Variants in SLC24A2 observed in about 807,000 individuals in gnomAD.
SLC24A2 encodes sodium/potassium/calcium exchanger 2.
Under a neutral mutation model 62.0 loss-of-function variants are expected in SLC24A2, and 36 were observed. That is an observed-to-expected ratio of 0.58 (90% CI 0.44 to 0.77). The LOEUF (loss-of-function observed/expected upper bound fraction) is 0.77, where lower values mean the gene tolerates loss of function less well. SLC24A2 is among the 30% of genes least tolerant of loss of function. The pLI is 0.00. For missense variants in SLC24A2, 846 were observed against 817.9 expected (o/e 1.03, Z -0.42); for synonymous variants, 358 against 294.0 (o/e 1.22, Z -2.23).
chr9:20,095,969 T>A, the SLC24A2 span, among the ~76,000 whole-genome samples: 7 of 152,164 alleles, frequency 4.6e-5, no homozygotes, highest in Admixed American at 3.9e-4. Context: ...ACCTCCATGA[T>A]TCAATTATTT....
chr9:19,555,210 T>C (rs1196931412), intron 7 of SLC24A2, among the ~76,000 whole-genome samples: 2 of 152,208 alleles, frequency 1.3e-5, no homozygotes, highest in Admixed American at 1.3e-4. Flanking sequence ...ATTTTGGGTT[T>C]TTAGTTCTTT....
At chr9:19,822,843 G>T in the SLC24A2 span, among the ~76,000 whole-genome samples, 1 of 152,132 alleles carries the variant, frequency 6.6e-6, no homozygotes, top group Non-Finnish European at 1.5e-5. Context: ...ACATTAAAAT[G>T]ATAAGCTTAC....
At chr9:20,163,858 C>G in the SLC24A2 span, among the ~76,000 whole-genome samples, 1 of 152,080 alleles carries the variant, frequency 6.6e-6, no homozygotes, top group African/African-American at 2.4e-5. Flanking sequence ...CTTTGACAAA[C>G]CTGACAAAAA....
At chr9:19,561,011 C>G (rs7847888) in intron 7 of SLC24A2, among the ~76,000 whole-genome samples, 2 of 151,810 alleles carry the variant, frequency 1.3e-5, no homozygotes, top group African/African-American at 2.4e-5. Context: ...CTGCAACCTC[C>G]GCCTCCCAGG....
At chr9:19,967,173 G>T in the SLC24A2 span, 1 of 152,094 alleles carries the variant, frequency 6.6e-6, no homozygotes, top group Non-Finnish European at 1.5e-5. Flanking sequence ...ATCATAAATT[G>T]TTCCATTGTT....
At chr9:20,112,277 A>G in the SLC24A2 span, among the ~76,000 whole-genome samples, 2 of 152,198 alleles carry the variant, frequency 1.3e-5, no homozygotes, top group Non-Finnish European at 2.9e-5. Context: ...AATTTTCGAC[A>G]CTTGTCTGGC....
intron 3 of SLC24A2, among the ~76,000 whole-genome samples, chr9:19,620,368 C>A (rs1817879085): frequency 6.6e-6 from 1 of 152,188 alleles, no homozygotes; most frequent in African/African-American, 2.4e-5. Flanking sequence ...CATCTCTACC[C>A]TGGGACTACA....
At chr9:20,059,007 T>C in the SLC24A2 span, among the ~76,000 whole-genome samples, 1,464 of 152,334 alleles carry the variant, frequency 9.6e-3, 69 homozygotes, top group Admixed American at 0.085. Flanking sequence ...AGTGAGTGCA[T>C]TGACTGTAGA....
the SLC24A2 span, among the ~76,000 whole-genome samples, chr9:20,096,965 T>C: frequency 6.6e-6 from 1 of 152,244 alleles, no homozygotes; most frequent in African/African-American, 2.4e-5. Context: ...TCTAATCCAA[T>C]TCCCAATGAC....
chr9:20,095,258 T>C, the SLC24A2 span, among the ~76,000 whole-genome samples: 1 of 152,224 alleles, frequency 6.6e-6, no homozygotes, highest in Admixed American at 6.5e-5. Context: ...ATTTCTAATA[T>C]GGTAAACATT....
At chr9:20,240,684 T>A in the SLC24A2 span, among the ~76,000 whole-genome samples, 1 of 152,026 alleles carries the variant, frequency 6.6e-6, no homozygotes, top group African/African-American at 2.4e-5. Context: ...GAAATGACTA[T>A]GAGGTTGGTC....
intron 7 of SLC24A2, among the ~76,000 whole-genome samples, chr9:19,569,739 A>G (rs900218274): frequency 1.3e-5 from 2 of 152,020 alleles, no homozygotes; most frequent in Non-Finnish European, 2.9e-5. Context: ...CTACCCTATC[A>G]TGATCTACAA....
chr9:19,909,537 T>A, the SLC24A2 span, among the ~76,000 whole-genome samples: 1 of 151,732 alleles, frequency 6.6e-6, no homozygotes, highest in Non-Finnish European at 1.5e-5. Context: ...GGGAAAAAGG[T>A]TTTGGGGTTT....
chr9:19,592,491 T>C (rs1171199097), intron 5 of SLC24A2, among the ~76,000 whole-genome samples: 1 of 16,644 alleles, frequency 6.0e-5, no homozygotes, highest in Non-Finnish European at 2.3e-4. Context: ...CCTACCTACC[T>C]ACCCACCTAC....
chr9:19,671,542 T>C (rs1564028695), intron 2 of SLC24A2, among the ~76,000 whole-genome samples: 1 of 152,144 alleles, frequency 6.6e-6, no homozygotes. Context: ...TGGATGCCCT[T>C]TATTTCTTTC....
At chr9:19,816,538 A>G in the SLC24A2 span, among the ~76,000 whole-genome samples, 2 of 152,132 alleles carry the variant, frequency 1.3e-5, no homozygotes, top group African/African-American at 4.8e-5. Context: ...TTGCATTGCT[A>G]TAAGGAAACA....
the SLC24A2 span, among the ~76,000 whole-genome samples, chr9:19,939,917 C>T: frequency 7.6e-4 from 116 of 152,348 alleles, 1 homozygote; most frequent in East Asian, 0.02. Context: ...ATAAAATGCT[C>T]CAACTCACAC....
At chr9:20,144,097 C>A in the SLC24A2 span, among the ~76,000 whole-genome samples, 1 of 152,104 alleles carries the variant, frequency 6.6e-6, no homozygotes. Context: ...CTTCACTAGA[C>A]AATAGGAAGA....
the SLC24A2 span, among the ~76,000 whole-genome samples, chr9:20,232,821 G>T: frequency 6.6e-6 from 1 of 152,086 alleles, no homozygotes; most frequent in East Asian, 1.9e-4. Context: ...TGATGTTAGG[G>T]TGTCAATTTT....
Sources: allele counts gnomAD v4.1 joint callset (sites outside exome capture counted in the v4.1 genomes callset), GRCh38; gene constraint gnomAD v4.1.1; transcripts MANE v1.5; gene names NCBI Gene and HGNC (gene_info 2026-07-23, HGNC 2026-07-21).